The following HMOX2 variants were observed in gnomAD, a reference collection of about 807,000 sequenced individuals.
The protein encoded by HMOX2 is heme oxygenase 2.
Under a neutral mutation model 33.7 loss-of-function variants are expected in HMOX2, and 30 were observed. The observed-to-expected ratio is 0.89, with a 90% CI of 0.67 to 1.21. HMOX2 has a LOEUF of 1.21. Among genes scored for constraint, HMOX2 ranks in the 50% most tolerant of loss-of-function variants. The probability of loss-of-function intolerance (pLI) is 0.00; values close to 1 mark genes in which losing one functional copy is unlikely to be tolerated. For synonymous variants in HMOX2, 155 were observed against 155.0 expected (o/e 1.00, Z 0.00); for missense variants, 403 against 399.1 (o/e 1.01, Z -0.08).
At chr16:4,484,191 G>A (rs574442040) in intron 1 of HMOX2, among the ~76,000 whole-genome samples, 1 of 151,680 alleles carries the variant, frequency 6.6e-6, no homozygotes, top group Non-Finnish European at 1.5e-5. Context: ...AGCCAAGATG[G>A]TCTCAATCTC....
rs145436252 is a variant in HMOX2, at chr16:4,488,279, A to C, written c.-42+11792A>C. Among the ~76,000 whole-genome samples, 6 of 152,204 alleles carry C rather than the reference A, an allele frequency of 3.9e-5. No homozygotes were observed. In the East Asian group the frequency reaches 1.2e-3, roughly 29 times the overall value. ...TAATCATGTCCTCAGTCAGTAGTTG[A>C]TGTTCTGGGCTATTTGAATTTCCTC... is the stretch of plus-strand genomic sequence containing the variant. On this transcript the variant is annotated intron_variant, in intron 1 of 5. Transcript: ENST00000570646.
At chr16:4,501,682 G>A (rs2058562803) in intron 1 of HMOX2, among the ~76,000 whole-genome samples, 1 of 152,112 alleles carries the variant, frequency 6.6e-6, no homozygotes, top group Non-Finnish European at 1.5e-5. Flanking sequence ...AGATTCCAAT[G>A]GTTCCTGCAA....
Position 4,509,649 on chromosome 16 carries a change from T to C in HMOX2, c.844T>C (p.Cys282Arg), listed in dbSNP as rs1188618493. ...CACAGGTGCCCTGGAGGGCAGCAGCTGTCCCTTCCGAACAGCTATGGCTGT... is the reference window on the plus strand; with the variant it reads ...CACAGGTGCCCTGGAGGGCAGCAGCCGTCCCTTCCGAACAGCTATGGCTGT... ...QDKGALEGSS[C>R]PFRTAMAVLR... The change falls in exon 6 of 6, where the codon TGT becomes CGT. Residue 282 changes from cysteine (C) to arginine (R), a missense_variant. Cys to Arg is a radical substitution (Grantham distance 180). Coordinates refer to ENST00000570646, the MANE Select transcript of HMOX2 (RefSeq NM_002134.4). 3 of 1,613,928 alleles carry C rather than the reference T, an allele frequency of 1.9e-6. No homozygotes were observed. Among genetic ancestry groups the C allele is most frequent in the Non-Finnish European group, 2.5e-6 (3 of 1,179,796 alleles).
rs1483931324 is a variant in HMOX2 at position 4,509,780 on chromosome 16, A to G, written c.*24A>G. On this transcript the variant is annotated 3_prime_UTR_variant, in exon 6 of 6. Coordinates refer to ENST00000570646, the MANE Select transcript of HMOX2 (RefSeq NM_002134.4). ...GAAGCACCCATCATGCCACACCGGTACCCTCCTCCCGACTGACCACTGGCC... is the reference window on the plus strand; with the variant it reads ...GAAGCACCCATCATGCCACACCGGTGCCCTCCTCCCGACTGACCACTGGCC... The G allele has an allele frequency of 6.2e-7, 1 of 1,604,918 alleles. No homozygotes were observed. The highest frequency in any genetic ancestry group is 8.5e-7 in the Non-Finnish European group (1 of 1,175,602).
chr16:4,501,871 G>A (rs928191167), intron 1 of HMOX2, among the ~76,000 whole-genome samples: 1 of 152,174 alleles, frequency 6.6e-6, no homozygotes, highest in African/African-American at 2.4e-5. Flanking sequence ...CCCAGTCTGT[G>A]GGTTGAATAT....
intron 1 of HMOX2, among the ~76,000 whole-genome samples, chr16:4,488,119 C>T (rs905573860): frequency 1.4e-5 from 2 of 138,262 alleles, no homozygotes; most frequent in African/African-American, 5.9e-5. Flanking sequence ...GAGAGGGAAA[C>T]TCCATCTCAA....
chr16:4,489,416 C>A (rs1475462582), intron 1 of HMOX2, among the ~76,000 whole-genome samples: 2 of 152,142 alleles, frequency 1.3e-5, no homozygotes, highest in African/African-American at 4.8e-5. Flanking sequence ...TCGCGAGTAG[C>A]TGGGACCACA....
At chr16:4,507,600 T>C (rs1276546969) in intron 3 of HMOX2, 113 bp from the exon 4 acceptor site, 1 of 1,057,818 alleles carries the variant, frequency 9.5e-7, no homozygotes. Context: ...TACATAAAAA[T>C]GGACCATAGG....
intron 1 of HMOX2, among the ~76,000 whole-genome samples, chr16:4,492,106 G>C (rs981839107): frequency 6.6e-6 from 1 of 152,124 alleles, no homozygotes; most frequent in African/African-American, 2.4e-5. Flanking sequence ...CAATGGGAGG[G>C]TGATAGGATT....
intron 1 of HMOX2, among the ~76,000 whole-genome samples, chr16:4,487,976 A>G (rs1033935111): frequency 6.7e-6 from 1 of 148,446 alleles, no homozygotes; most frequent in African/African-American, 2.5e-5. Flanking sequence ...AAAAAAATGT[A>G]GCCGGGTGTG....
intron 1 of HMOX2, among the ~76,000 whole-genome samples, chr16:4,491,420 C>T (rs1206379166): frequency 1.3e-5 from 2 of 152,132 alleles, no homozygotes; most frequent in South Asian, 2.1e-4. Context: ...GAGGCCAAGG[C>T]GGCTGGATCA....
At chr16:4,487,945 C>A (rs1858166632) in intron 1 of HMOX2, among the ~76,000 whole-genome samples, 1 of 130,928 alleles carries the variant, frequency 7.6e-6, no homozygotes, top group Non-Finnish European at 1.6e-5. Flanking sequence ...GAGCGAAACT[C>A]TGTCTCAAAA....
intron 2 of HMOX2, among the ~76,000 whole-genome samples, chr16:4,506,646 C>T (rs1334047314): frequency 6.6e-6 from 1 of 152,218 alleles, no homozygotes; most frequent in Non-Finnish European, 1.5e-5. Flanking sequence ...GACGTGGGTA[C>T]TACTCTCAAG....
At chr16:4,508,322 C>A in intron 4 of HMOX2, 118 bp downstream of exon 4, 2 of 1,236,680 alleles carry the variant, frequency 1.6e-6, no homozygotes, top group Non-Finnish European at 2.2e-6. Flanking sequence ...TGCAGGGTGC[C>A]GAGAGGAAGG....
At chr16:4,479,028 G>A (rs1391992335) in intron 1 of HMOX2, among the ~76,000 whole-genome samples, 2 of 152,004 alleles carry the variant, frequency 1.3e-5, no homozygotes, top group African/African-American at 4.8e-5. Context: ...AAAGTAGCCT[G>A]TAATCCCAGC....
At chr16:4,499,908 A>G (rs2058515957) in intron 1 of HMOX2, among the ~76,000 whole-genome samples, 1 of 152,210 alleles carries the variant, frequency 6.6e-6, no homozygotes, top group African/African-American at 2.4e-5. Flanking sequence ...TTTACTTGGT[A>G]TTTTAGAATT....
chr16:4,506,269 T>A (rs529075918), intron 2 of HMOX2, among the ~76,000 whole-genome samples: 2 of 152,318 alleles, frequency 1.3e-5, no homozygotes, highest in South Asian at 4.1e-4. Context: ...ATCACATGTT[T>A]TCTACCTTGT....
chr16:4,480,177 A>G (rs568393648), intron 1 of HMOX2, among the ~76,000 whole-genome samples: 1 of 151,188 alleles, frequency 6.6e-6, no homozygotes, highest in East Asian at 1.9e-4. Flanking sequence ...CCTTCCAAGT[A>G]ACTGGGACTA....
upstream of HMOX2, among the ~76,000 whole-genome samples, chr16:4,475,294 GT>G (rs957453921): frequency 6.7e-6 from 1 of 149,506 alleles, no homozygotes; most frequent in Non-Finnish European, 1.5e-5. Flanking sequence ...ACTGATTTCA[GT>G]TTTTTTTTGT....
Sources: allele counts gnomAD v4.1 joint callset (sites outside exome capture counted in the v4.1 genomes callset), GRCh38; gene constraint gnomAD v4.1.1; transcripts MANE v1.5; gene names NCBI Gene and HGNC (gene_info 2026-07-23, HGNC 2026-07-21).